The following EVI5 variants were observed in gnomAD, a reference collection of about 807,000 sequenced individuals.
EVI5 encodes the protein ecotropic viral integration site 5 protein homolog.
Under a neutral mutation model 112.0 loss-of-function variants are expected in EVI5, and 73 were observed. The ratio of observed to expected loss-of-function variants is 0.65; its 90% CI spans 0.54 to 0.79. EVI5 has a LOEUF of 0.79. Ranked by LOEUF, EVI5 falls within the 30% of genes least tolerant of loss-of-function variation. EVI5 has a pLI of 0.00. For synonymous variants in EVI5, 305 were observed against 319.9 expected (o/e 0.95, Z 0.50); for missense variants, 900 against 968.8 (o/e 0.93, Z 0.94).
intron 1 of EVI5, among the ~76,000 whole-genome samples, chr1:92,782,813 G>A (rs540786763): frequency 5.3e-5 from 8 of 152,010 alleles, no homozygotes; most frequent in Admixed American, 1.3e-4. Flanking sequence ...CATTACCTGC[G>A]ATGTTTTTTG....
chr1:92,609,367 A>T (rs1189617237), intron 16 of EVI5, among the ~76,000 whole-genome samples: 10 of 150,138 alleles, frequency 6.7e-5, no homozygotes, highest in African/African-American at 2.4e-4. Flanking sequence ...ATTTCATTTC[A>T]TTTTTTTTTT....
intron 2 of EVI5, among the ~76,000 whole-genome samples, chr1:92,706,157 A>AC (rs1180748812): frequency 6.6e-6 from 1 of 152,158 alleles, no homozygotes; most frequent in Non-Finnish European, 1.5e-5. Flanking sequence ...AAACATACCA[A>AC]ACAGCCAAAG....
At chr1:92,725,378 T>C (rs1675409653) in intron 2 of EVI5, among the ~76,000 whole-genome samples, 1 of 152,200 alleles carries the variant, frequency 6.6e-6, no homozygotes, top group Non-Finnish European at 1.5e-5. Context: ...GGTTCTGTAT[T>C]ACTCCAGAAC....
chr1:92,607,548 CA>C, intron 17 of EVI5, 32 bp downstream of exon 17: 1 of 1,500,018 alleles, frequency 6.7e-7, no homozygotes, highest in South Asian at 1.3e-5. Flanking sequence ...ATTATATTGA[CA>C]AAAAACAAAA....
At chr1:92,714,103 G>T (rs1231495998) in intron 2 of EVI5, 1 of 978,596 alleles carries the variant, frequency 1.0e-6, no homozygotes, top group Admixed American at 6.2e-5. Context: ...CAACTTTAAA[G>T]CTATCAATTA....
chr1:92,536,715 T>C (rs917708180), intron 19 of EVI5, among the ~76,000 whole-genome samples: 5 of 152,186 alleles, frequency 3.3e-5, no homozygotes, highest in African/African-American at 9.6e-5. Flanking sequence ...TGTAGGTTCT[T>C]TATAAGTGAT....
chr1:92,665,447 T>C (rs553800803), intron 11 of EVI5, among the ~76,000 whole-genome samples: 1 of 152,280 alleles, frequency 6.6e-6, no homozygotes, highest in Admixed American at 6.5e-5. Flanking sequence ...AAAATAATTA[T>C]AAGAACTAAA....
intron 1 of EVI5, among the ~76,000 whole-genome samples, chr1:92,753,710 G>A (rs1213444276): frequency 3.3e-5 from 5 of 152,066 alleles, no homozygotes; most frequent in African/African-American, 1.2e-4. Context: ...AGTACCAAAT[G>A]TGTGACTCAA....
chr1:92,650,219 T>C (rs775990063), intron 13 of EVI5, among the ~76,000 whole-genome samples: 5 of 152,222 alleles, frequency 3.3e-5, no homozygotes, highest in Non-Finnish European at 7.3e-5. Flanking sequence ...CAAAAGTCCA[T>C]GGGAATTTTG....
chr1:92,534,992 C>A (rs925032645), intron 19 of EVI5, among the ~76,000 whole-genome samples: 6 of 152,016 alleles, frequency 3.9e-5, no homozygotes, highest in Admixed American at 6.6e-5. Flanking sequence ...AGGCAACATA[C>A]AGAATGGGAG....
At chr1:92,551,354 T>G (rs12565259) in intron 19 of EVI5, among the ~76,000 whole-genome samples, 1 of 152,020 alleles carries the variant, frequency 6.6e-6, no homozygotes, top group African/African-American at 2.4e-5. Flanking sequence ...TTCCTCCCCC[T>G]TCTCCATTTT....
chr1:92,599,155 T>G (rs1051029598), intron 18 of EVI5, among the ~76,000 whole-genome samples: 1 of 151,954 alleles, frequency 6.6e-6, no homozygotes, highest in Admixed American at 6.6e-5. Context: ...TGTAATGTAT[T>G]TTCTCATCTA....
At chr1:92,549,297 G>A (rs1354557295) in intron 19 of EVI5, among the ~76,000 whole-genome samples, 1 of 152,126 alleles carries the variant, frequency 6.6e-6, no homozygotes, top group Non-Finnish European at 1.5e-5. Context: ...CTAGCCATAT[G>A]TAGAAAGCTG....
chr1:92,547,119 G>A (rs946702798), intron 19 of EVI5, among the ~76,000 whole-genome samples: 1 of 152,152 alleles, frequency 6.6e-6, no homozygotes. Flanking sequence ...CTCAGCAAAT[G>A]TAAAAGAATA....
rs775904383 is a variant in EVI5, at chr1:92,636,190, T to C, written c.1527+12A>G. The stretch of plus-strand genomic sequence containing the variant: ...TAATTTGGGAATGACTGCATTTGTG[T>C]AGGTTTCTTACCTTCTCTATATCCA... On this transcript the variant is annotated intron_variant, in intron 14 of 19. Coordinates refer to ENST00000684568, the MANE Select transcript of EVI5 (RefSeq NM_001350197.2). The C allele has an allele frequency of 6.2e-7, 1 of 1,604,960 alleles. No homozygotes were observed. The highest frequency in any genetic ancestry group is 8.5e-7 in the Non-Finnish European group (1 of 1,175,518).
intron 2 of EVI5, among the ~76,000 whole-genome samples, chr1:92,713,015 T>C (rs985301598): frequency 5.9e-5 from 9 of 151,820 alleles, no homozygotes; most frequent in Non-Finnish European, 1.3e-4. Flanking sequence ...CTCAAACTCC[T>C]GGGCTTAAGC....
chr1:92,614,203 A>G (rs1168192382), intron 16 of EVI5, among the ~76,000 whole-genome samples: 1 of 152,198 alleles, frequency 6.6e-6, no homozygotes, highest in African/African-American at 2.4e-5. Context: ...AAGGCCTAGC[A>G]GAAGGAAAAA....
chr1:92,753,319 A>C (rs972470217), intron 1 of EVI5, among the ~76,000 whole-genome samples: 41 of 152,204 alleles, frequency 2.7e-4, no homozygotes, highest in African/African-American at 9.6e-4. Flanking sequence ...GTGAGACTTC[A>C]TCTCAATCAA....
chr1:92,561,973 A>T (rs914180014), intron 19 of EVI5, among the ~76,000 whole-genome samples: 4 of 152,142 alleles, frequency 2.6e-5, no homozygotes, highest in Admixed American at 2.6e-4. Flanking sequence ...TATGACAGGG[A>T]AAGTTAATGT....
Sources: gnomAD v4.1 joint callset for allele counts (sites outside exome capture counted in the v4.1 genomes callset) on GRCh38, gnomAD v4.1.1 for gene constraint, MANE v1.5 for transcripts, NCBI Gene and HGNC (gene_info 2026-07-23, HGNC 2026-07-21) for gene names.